VEGFA: variants seen among roughly 807,000 people sequenced by gnomAD.
The protein encoded by VEGFA is vascular endothelial growth factor A, also known as vascular endothelial growth factor A, long form.
A neutral mutation model predicts 49.7 loss-of-function variants in VEGFA; 20 were observed. The observed-to-expected ratio is 0.40, with a 90% CI of 0.28 to 0.58. VEGFA has a LOEUF of 0.58. Among genes scored for constraint, VEGFA ranks in the 20% least tolerant of loss-of-function variants. The pLI is 0.40. For synonymous variants in VEGFA, 219 were observed against 223.4 expected (o/e 0.98, Z 0.18); for missense variants, 505 against 553.5 (o/e 0.91, Z 0.88).
At position 43,785,642 on chromosome 6, in the gene VEGFA, C is replaced by T; in HGVS notation, c.*1080C>T. 1 of 201,842 alleles carries T rather than the reference C, an allele frequency of 5.0e-6. No individual in the cohort carries two copies. Among genetic ancestry groups the T allele is most frequent in the Non-Finnish European group, 1.0e-5 (1 of 98,080 alleles). 12.5% of individuals were successfully genotyped at this position (201,842 alleles called of 1,614,324 possible). ...ACCATTGAAACCACTAGTTCTGTCC[C>T]CCCAGGAGACCTGGTTGTGTGTGTG... On this transcript the variant is annotated 3_prime_UTR_variant, in exon 8 of 8. Coordinates refer to ENST00000672860, the MANE Select transcript of VEGFA (RefSeq NM_003376.6).
chr6:43,774,652 C>T (rs778057576), intron 2 of VEGFA: 22 of 568,546 alleles, frequency 3.9e-5, no homozygotes, highest in African/African-American at 7.5e-5. Context: ...GAGAAGGAGT[C>T]GTGCGCACAG....
intron 4 of VEGFA, 155 bp from the exon 5 acceptor site, chr6:43,778,734 T>A (rs3025003): frequency 9.9e-7 from 1 of 1,011,032 alleles, no homozygotes. Context: ...ATTGTTATAA[T>A]GATTAAACAA....
At chr6:43,781,856 G>A (rs1041934631) in intron 6 of VEGFA, 100 bp from the exon 7 acceptor site, 22 of 1,497,700 alleles carry the variant, frequency 1.5e-5, no homozygotes, top group Non-Finnish European at 2.0e-5. Context: ...CTGGGTGGGG[G>A]TGCAGCTGCG....
At chr6:43,784,425 A>T in intron 7 of VEGFA, 116 bp from the exon 8 acceptor site, 1 of 965,990 alleles carries the variant, frequency 1.0e-6, no homozygotes, top group Non-Finnish European at 1.7e-6. Flanking sequence ...CTCTGCTCTT[A>T]TGGTGCCGGA....
In VEGFA at chr6:43,777,749, G is replaced by A. The variant is rs758701845; in HGVS notation, c.855+84G>A. The A allele has an allele frequency of 4.8e-6, 7 of 1,451,036 alleles. No individual in the cohort carries two copies. The Admixed American group carries it at 9.9e-5, about 21-fold the overall frequency. The allele number at this position is 1,451,036 out of a possible 1,614,324, so 89.9% of individuals were successfully genotyped here. On this transcript the variant is annotated intron_variant, in intron 3 of 7. Transcript: ENST00000672860. This position sits in a 1 kb window ranked among gnomAD's most constrained non-coding sequence, Gnocchi z 4.3. ...AACAGGTGGTCCCAGGTCGTTTCCT[G>A]GCTAGATTTGCCTTGTCTGGCTCCT...
At chr6:43,781,852 G>T (rs1456621343) in intron 6 of VEGFA, 104 bp from the exon 7 acceptor site, 2 of 1,474,754 alleles carry the variant, frequency 1.4e-6, no homozygotes, top group East Asian at 2.4e-5. Context: ...CCGGCTGGGT[G>T]GGGGTGCAGC....
At position 43,777,401 on chromosome 6, in the gene VEGFA, G is replaced by A. The variant is rs2128027086; in HGVS notation, c.659-68G>A. ...TCCAAAGAGTGGCATTACAGAGCTG[G>A]GTGGAGAGAGGGGCTAGCCATCTTT... On this transcript the variant is annotated intron_variant, in intron 2 of 7. Coordinates refer to ENST00000672860, the MANE Select transcript of VEGFA (RefSeq NM_003376.6). The surrounding 1 kb of genome is among the most constrained non-coding windows in gnomAD (Gnocchi z 4.3). 2 of 1,574,402 alleles carry A rather than the reference G, an allele frequency of 1.3e-6. No homozygotes were observed. The highest frequency in any genetic ancestry group is 8.7e-7 in the Non-Finnish European group (1 of 1,148,262).
chr6:43,778,510 C>T lies in VEGFA; in HGVS notation c.906C>T (p.Phe302=), dbSNP rs1766218013. ...GCCAGCACATAGGAGAGATGAGCTT[C>T]CTACAGCACAACAAATGTGAATGCA... Residue 302 remains phenylalanine, a synonymous_variant, in exon 4 of 8, where the codon TTC becomes TTT. Transcript: ENST00000672860. 8 of 1,614,192 alleles carry T rather than the reference C, an allele frequency of 5.0e-6. No homozygotes were observed. Among genetic ancestry groups the T allele is most frequent in the Middle Eastern group, 1.6e-4 (1 of 6,062 alleles).
intron 5 of VEGFA, chr6:43,779,896 C>A (rs112465837): frequency 3.0e-5 from 10 of 330,206 alleles, no homozygotes; most frequent in African/African-American, 1.3e-4. Context: ...AGCCTGCCCC[C>A]CTTCCTGTTT....
At chr6:43,779,719 C>A in intron 5 of VEGFA, 1 of 466,056 alleles carries the variant, frequency 2.1e-6, no homozygotes, top group Non-Finnish European at 4.3e-6. Context: ...CGAGGGGATG[C>A]GGAAACCTTC....
intron 7 of VEGFA, 105 bp downstream of exon 7, chr6:43,782,192 G>C (rs1486753100): frequency 4.6e-6 from 7 of 1,509,290 alleles, no homozygotes; most frequent in Non-Finnish European, 6.3e-6. Context: ...GAGCGCCTGA[G>C]AGGGGCCAGC....
rs368682206 is a variant in VEGFA at position 43,771,322 on chromosome 6, C to A, written c.606+10C>A. The A allele has an allele frequency of 6.3e-7, 1 of 1,596,292 alleles. No individual in the cohort carries two copies. Among genetic ancestry groups the A allele is most frequent in the Non-Finnish European group, 8.5e-7 (1 of 1,173,420 alleles). ...CCTCCACCATGCCAAGGTAAGCGGT[C>A]GTGCCCTGCTGGCGCCGCGGGCCGC... On this transcript the variant is annotated intron_variant, in intron 1 of 7. Transcript: ENST00000672860.
chr6:43,772,063 T>TC (rs1763789611), intron 1 of VEGFA: 2 of 984,446 alleles, frequency 2.0e-6, no homozygotes, highest in Non-Finnish European at 2.4e-6. Flanking sequence ...GCGGCACCCC[T>TC]CCCCCCGCCA....
chr6:43,776,933 C>T (rs889514720), intron 2 of VEGFA: 3 of 227,656 alleles, frequency 1.3e-5, no homozygotes, highest in African/African-American at 6.7e-5. Flanking sequence ...TCTAATAGTA[C>T]CATGTGGAGA....
intron 5 of VEGFA, 107 bp downstream of exon 5, chr6:43,779,025 G>A: frequency 1.4e-6 from 2 of 1,473,364 alleles, no homozygotes; most frequent in East Asian, 2.3e-5. Flanking sequence ...CTGGGTCAGG[G>A]ACTTGGTCTT....
chr6:43,782,552 T>TCTCA (rs1449363234), intron 7 of VEGFA: 1 of 256,724 alleles, frequency 3.9e-6, no homozygotes, highest in Admixed American at 5.0e-5. Context: ...TGGCTGGGCT[T>TCTCA]CTCACTCACT....
At chr6:43,778,607 A>G in intron 4 of VEGFA, 71 bp downstream of exon 4, 2 of 1,509,442 alleles carry the variant, frequency 1.3e-6, no homozygotes, top group Non-Finnish European at 1.8e-6. Flanking sequence ...AGGGTTAAGC[A>G]TGCTGTACTT....
chr6:43,784,808 T>C lies in VEGFA; in HGVS notation c.*246T>C, dbSNP rs1382924269. On this transcript the variant is annotated 3_prime_UTR_variant, in exon 8 of 8. Coordinates refer to ENST00000672860, the MANE Select transcript of VEGFA (RefSeq NM_003376.6). Reference sequence around the variant, plus strand: ...GGCGGGTGACCCAGCACGGTCCCTCTTGGAATTGGATTCGCCATTTTATTT... The same window carrying C: ...GGCGGGTGACCCAGCACGGTCCCTCCTGGAATTGGATTCGCCATTTTATTT... 1.5e-5 allele frequency: 10 copies of C among 663,128 alleles called. No homozygotes were observed. The highest frequency in any genetic ancestry group is 6.2e-4 in the Middle Eastern group (2 of 3,240). The allele number at this position is 663,128 out of a possible 1,614,324, so 41.1% of individuals were successfully genotyped here.
rs201321489 is a variant in VEGFA at position 43,770,916 on chromosome 6, C to T, written c.210C>T (p.Arg70=). 9.7e-6 allele frequency: 15 copies of T among 1,544,492 alleles called. No individual in the cohort carries two copies. The highest frequency in any genetic ancestry group is 1.3e-5 in the Non-Finnish European group (15 of 1,145,456). ...CTCGCTTCGGAGGAGCCGTGGTCCG[C>T]GCGGGGGAAGCCGAGCCGAGCGGAG... Residue 70 remains arginine (R), a synonymous_variant, in exon 1 of 8, where the codon CGC becomes CGT. Coordinates refer to ENST00000672860, the MANE Select transcript of VEGFA (RefSeq NM_003376.6).
Sources: allele counts gnomAD v4.1 joint callset, GRCh38; gene constraint gnomAD v4.1.1; non-coding constraint Gnocchi (gnomAD v3.1); transcripts MANE v1.5; gene names NCBI Gene and HGNC (gene_info 2026-07-23, HGNC 2026-07-21).